Variants in HMCN1 observed in about 807,000 individuals in gnomAD.
The protein encoded by HMCN1 is hemicentin-1.
In HMCN1, 321 loss-of-function variants were observed where a neutral mutation model predicts 625.9. The ratio of observed to expected loss-of-function variants is 0.51; its 90% CI spans 0.47 to 0.56. HMCN1 has a LOEUF of 0.56. HMCN1 is among the 20% of genes least tolerant of loss of function. The pLI is 0.00. For synonymous variants in HMCN1, 2,425 were observed against 2,417.6 expected, an observed-to-expected ratio of 1.00 and a Z score of -0.09; for missense variants, 6,588 against 6,887.3, an observed-to-expected ratio of 0.96 and a Z score of 1.54.
At chr1:185,979,901 C>T (rs74134247) in intron 16 of HMCN1, among the ~76,000 whole-genome samples, 4,670 of 152,058 alleles carry the variant, frequency 0.031, 251 homozygotes, top group African/African-American at 0.11. Flanking sequence ...TTAAAATCCT[C>T]TCCTTCCTTC....
chr1:186,151,833 A>G, intron 95 of HMCN1, 90 bp downstream of exon 95: 1 of 1,350,578 alleles, frequency 7.4e-7, no homozygotes, highest in Non-Finnish European at 1.0e-6. Context: ...CACATAGAAT[A>G]ATTTGAAACT....
rs1162950883 is a variant in HMCN1, at chr1:186,081,447, G to C, written c.8787+53G>C. 4.6e-6 allele frequency: 6 copies of C among 1,293,766 alleles called. No homozygotes were observed. In the Admixed American group the frequency reaches 1.1e-4, roughly 24 times the overall value. 80.1% of individuals were successfully genotyped at this position (1,293,766 alleles called of 1,614,324 possible). A position where few individuals can be genotyped will look rare whatever the true frequency, so the allele number is the denominator to read the frequency against. Reference sequence around the variant, plus strand: ...AAAGAGCTATTTGACTTTGCACTTTGTAATAATTGTTTTTGACTTTTAAAA... The same window carrying C: ...AAAGAGCTATTTGACTTTGCACTTTCTAATAATTGTTTTTGACTTTTAAAA... On this transcript the variant is annotated intron_variant, in intron 56 of 106. Coordinates refer to ENST00000271588, the MANE Select transcript of HMCN1 (RefSeq NM_031935.3).
At chr1:186,038,756 A>G in intron 37 of HMCN1, 73 bp from the exon 38 acceptor site, 3 of 826,418 alleles carry the variant, frequency 3.6e-6, no homozygotes, top group Non-Finnish European at 6.4e-6. Flanking sequence ...ATAGTGACTT[A>G]GCTAAGATCC....
chr1:185,853,293 TTAA>T (rs1662271683), intron 2 of HMCN1, among the ~76,000 whole-genome samples: 1 of 152,258 alleles, frequency 6.6e-6, no homozygotes, highest in East Asian at 1.9e-4. Context: ...AATGACAAAG[TTAA>T]TAATAAAATC....
intron 36 of HMCN1, among the ~76,000 whole-genome samples, chr1:186,026,717 C>T (rs983609849): frequency 5.3e-5 from 8 of 151,892 alleles, no homozygotes; most frequent in African/African-American, 1.9e-4. Context: ...CATTACAGCC[C>T]GGATCTCCCT....
intron 4 of HMCN1, among the ~76,000 whole-genome samples, chr1:185,904,399 A>G (rs923412826): frequency 1.3e-5 from 2 of 151,904 alleles, no homozygotes; most frequent in African/African-American, 4.8e-5. Context: ...TACCATATAG[A>G]TTTAAAGGCT....
rs762367427 is a variant in HMCN1, at chr1:186,137,641, C to T, written c.13726C>T (p.Arg4576Ter). 8.7e-6 allele frequency: 14 copies of T among 1,613,852 alleles called. No homozygotes were observed. The highest frequency in any genetic ancestry group is 1.3e-5 in the African/African-American group (1 of 74,892). Reference protein sequence around the residue: ...KPCQGSDLEMRNCQNKPCPVD... With the variant: ...KPCQGSDLEM ...CTGCCAAGGTTCAGATTTGGAAATG[C>T]GAAACTGTCAAAATAAGCCTTGTCC... is the stretch of plus-strand genomic sequence containing the variant. The change falls in exon 88 of 107, where the codon CGA (arginine) becomes TGA (stop). Residue 4576 changes from arginine to a stop codon, truncating the protein, a stop_gained. Transcript: ENST00000271588. LOFTEE classifies it high-confidence loss of function.
chr1:186,097,692 GA>G (rs903412132), intron 68 of HMCN1, among the ~76,000 whole-genome samples: 40 of 148,428 alleles, frequency 2.7e-4, no homozygotes, highest in African/African-American at 8.9e-4. Context: ...CACTGAATTA[GA>G]AAAAAAAAAT....
chr1:185,920,712 G>A (rs768963990), intron 6 of HMCN1, among the ~76,000 whole-genome samples: 1 of 151,784 alleles, frequency 6.6e-6, no homozygotes, highest in Non-Finnish European at 1.5e-5. Context: ...CCACATTGTT[G>A]AAAACCACCT....
At position 185,846,925 on chromosome 1, in the gene HMCN1, T is replaced by C. The variant is rs74571871; in HGVS notation, c.339+829T>C. ...TCTTAGTCATCTATTTCCACAAACA[T>C]CCCCTAGATCTTGTTATCATCTGTT... is the stretch of plus-strand genomic sequence containing the variant. On this transcript the variant is annotated intron_variant, in intron 2 of 106. Coordinates refer to ENST00000271588, the MANE Select transcript of HMCN1 (RefSeq NM_031935.3). Among the ~76,000 whole-genome samples, 952 of 152,208 alleles carry C rather than the reference T, an allele frequency of 6.3e-3. 35 individuals carry two copies. The East Asian group carries it at 0.12, about 19-fold the overall frequency.
chr1:186,099,726 G>T (rs1242619222), intron 68 of HMCN1, among the ~76,000 whole-genome samples: 1 of 152,158 alleles, frequency 6.6e-6, no homozygotes, highest in Non-Finnish European at 1.5e-5. Context: ...CTGTAGAGAT[G>T]AGTGGGGAAT....
chr1:185,815,843 C>T (rs1474654493), intron 1 of HMCN1, among the ~76,000 whole-genome samples: 1 of 150,090 alleles, frequency 6.7e-6, no homozygotes, highest in Non-Finnish European at 1.5e-5. Flanking sequence ...TACTATATTG[C>T]TGAGCATCAA....
At chr1:185,814,638 G>A (rs1384671088) in intron 1 of HMCN1, among the ~76,000 whole-genome samples, 1 of 148,742 alleles carries the variant, frequency 6.7e-6, no homozygotes, top group African/African-American at 2.5e-5. Context: ...TTCTTAGGAG[G>A]TTATCTTTTA....
intron 68 of HMCN1, among the ~76,000 whole-genome samples, chr1:186,096,639 A>C (rs1457667994): frequency 1.3e-5 from 2 of 152,156 alleles, no homozygotes; most frequent in Non-Finnish European, 2.9e-5. Context: ...AGTTGCAAAA[A>C]TGCTCAACAA....
At chr1:185,745,933 A>G (rs1277631046) in intron 1 of HMCN1, among the ~76,000 whole-genome samples, 3 of 152,248 alleles carry the variant, frequency 2.0e-5, no homozygotes, top group Admixed American at 6.5e-5. Context: ...ATTTAAAATA[A>G]GACAGAAAAA....
chr1:185,898,598 G>A (rs1306220582), intron 4 of HMCN1, among the ~76,000 whole-genome samples: 2 of 152,110 alleles, frequency 1.3e-5, no homozygotes, highest in African/African-American at 4.8e-5. Context: ...TAATAGCACA[G>A]AATGCTTTTG....
At chr1:185,987,017 T>C (rs1396747624) in intron 19 of HMCN1, among the ~76,000 whole-genome samples, 1 of 151,992 alleles carries the variant, frequency 6.6e-6, no homozygotes, top group Non-Finnish European at 1.5e-5. Flanking sequence ...AAACAGCCCA[T>C]TTCTCTGTAT....
intron 40 of HMCN1, among the ~76,000 whole-genome samples, chr1:186,041,441 T>G (rs755489330): frequency 7.9e-5 from 12 of 152,184 alleles, no homozygotes; most frequent in Non-Finnish European, 1.5e-4. Flanking sequence ...TTCTCATCAC[T>G]GAAGCAAGTA....
chr1:185,810,132 C>T (rs1019781997), intron 1 of HMCN1, among the ~76,000 whole-genome samples: 1 of 152,038 alleles, frequency 6.6e-6, no homozygotes, highest in African/African-American at 2.4e-5. Flanking sequence ...TTTATTTAAG[C>T]CTTCATCACA....
Sources: allele counts gnomAD v4.1 joint callset (sites outside exome capture counted in the v4.1 genomes callset), GRCh38; gene constraint gnomAD v4.1.1; transcripts MANE v1.5; gene names NCBI Gene and HGNC (gene_info 2026-07-23, HGNC 2026-07-21).